The following TET1 variants were observed in gnomAD, a reference collection of about 807,000 sequenced individuals.
TET1 encodes tet methylcytosine dioxygenase 1.
In TET1, 13 loss-of-function variants were observed where a neutral mutation model predicts 148.7. The observed-to-expected ratio is 0.09, with a 90% confidence interval of 0.06 to 0.14. TET1 has a LOEUF of 0.14. Among genes scored for constraint, TET1 ranks in the 10% least tolerant of loss-of-function variants. TET1 has a pLI of 1.00. For missense variants in TET1, 2,182 were observed against 2,553.8 expected (o/e 0.85, Z 3.14); for synonymous variants, 907 against 937.2 (o/e 0.97, Z 0.59).
At chr10:68,602,935 A>C (rs570143535) in intron 3 of TET1, among the ~76,000 whole-genome samples, 1 of 152,350 alleles carries the variant, frequency 6.6e-6, no homozygotes, top group South Asian at 2.1e-4. Flanking sequence ...GCTAAAAAAA[A>C]CTTTCAGATT....
chr10:68,643,030 A>G (rs1185448770), intron 3 of TET1, among the ~76,000 whole-genome samples: 2 of 151,970 alleles, frequency 1.3e-5, no homozygotes, highest in African/African-American at 4.8e-5. Context: ...GGTCAAGGTG[A>G]GCAGACCACT....
intron 10 of TET1, among the ~76,000 whole-genome samples, chr10:68,685,831 ATATT>A (rs1214060949): frequency 6.6e-6 from 1 of 152,122 alleles, no homozygotes; most frequent in Non-Finnish European, 1.5e-5. Flanking sequence ...CAGAAAGAGA[ATATT>A]TATCAATATA....
chr10:68,565,480 AT>A (rs1393717560), intron 1 of TET1, among the ~76,000 whole-genome samples: 1 of 94,044 alleles, frequency 1.1e-5, no homozygotes, highest in Non-Finnish European at 2.4e-5. Flanking sequence ...AAAAAAATAT[AT>A]ATATATATAT....
intron 3 of TET1, among the ~76,000 whole-genome samples, chr10:68,638,069 A>G (rs1280789548): frequency 1.3e-5 from 2 of 152,116 alleles, no homozygotes; most frequent in Non-Finnish European, 2.9e-5. Context: ...GTGAGCCACC[A>G]TGACCAGCCA....
At chr10:68,577,147 C>T (rs11497982) in intron 2 of TET1, among the ~76,000 whole-genome samples, 83,686 of 151,910 alleles carry the variant, frequency 0.55, 23,147 homozygotes, top group Middle Eastern at 0.62. Flanking sequence ...CCTGACCTCA[C>T]GATCCACCCG....
chr10:68,573,626 C>T lies in TET1; in HGVS notation c.1288C>T (p.Pro430Ser). The T allele has an allele frequency of 1.2e-6, 2 of 1,614,158 alleles. No homozygotes were observed. The highest frequency in any genetic ancestry group is 1.7e-6 in the Non-Finnish European group (2 of 1,180,044). ...GAGTGGGAGTGTTGTCCCAGACTTG[C>T]CTGTCTTCCTTCCTGTTCCTCCAAA... ...GMSGSVVPDL[P>S]VFLPVPPNPI... Residue 430 changes from proline to serine, a missense_variant, in exon 2 of 12, where the codon CCT (proline) becomes TCT (serine). Physicochemically the swap from Pro to Ser is moderately conservative, Grantham distance 74. Around this residue, in one of 11 missense-constraint regions of TET1, gnomAD observed 665 missense variants for 672.4 expected, o/e 0.99. Coordinates refer to ENST00000373644, the MANE Select transcript of TET1 (RefSeq NM_030625.3).
At chr10:68,621,775 A>T (rs1379709784) in intron 3 of TET1, among the ~76,000 whole-genome samples, 1 of 152,190 alleles carries the variant, frequency 6.6e-6, no homozygotes, top group Admixed American at 6.5e-5. Flanking sequence ...TAACCTTAGG[A>T]TTAAAGAACT....
At position 68,574,238 on chromosome 10, in the gene TET1, G is replaced by T. The variant is rs1188274184; in HGVS notation, c.1900G>T (p.Val634Phe). 10 of 1,611,858 alleles carry T rather than the reference G, an allele frequency of 6.2e-6. No individual in the cohort carries two copies. The South Asian group carries it at 1.1e-4, about 18-fold the overall frequency. ...CEELKKKPSVVVPLEVIKENK... is the reference protein window; with the variant it reads ...CEELKKKPSVFVPLEVIKENK... ...GGAGCTGAAAAAGAAACCATCTGTTGTTGTGCCTCTGGAGGTAAGCAAACA... is the reference window on the plus strand; with the variant it reads ...GGAGCTGAAAAAGAAACCATCTGTTTTTGTGCCTCTGGAGGTAAGCAAACA... The change falls in exon 2 of 12, where the codon GTT becomes TTT. Residue 634 changes from valine (V) to phenylalanine (F), a missense_variant. Physicochemically the swap from Val to Phe is conservative, Grantham distance 50. This residue lies in a region of TET1 where 226 missense variants were observed against 307.4 expected (regional missense o/e 0.74). Transcript: ENST00000373644.
intron 3 of TET1, among the ~76,000 whole-genome samples, chr10:68,610,968 C>T (rs1023944903): frequency 6.6e-6 from 1 of 152,066 alleles, no homozygotes; most frequent in Non-Finnish European, 1.5e-5. Flanking sequence ...ATTATAATTA[C>T]AAGTAAAGGT....
intron 6 of TET1, among the ~76,000 whole-genome samples, chr10:68,654,395 C>T (rs919061343): frequency 2.6e-5 from 4 of 152,112 alleles, no homozygotes; most frequent in African/African-American, 9.7e-5. Flanking sequence ...TGGGGCAGAT[C>T]ACCAGAGGTC....
At chr10:68,667,608 G>A (rs2055211545) in intron 7 of TET1, among the ~76,000 whole-genome samples, 1 of 151,946 alleles carries the variant, frequency 6.6e-6, no homozygotes, top group Non-Finnish European at 1.5e-5. Flanking sequence ...GCCGGGCGTG[G>A]TGGCGGGCGC....
chr10:68,653,145 C>A (rs2054965306), intron 6 of TET1, among the ~76,000 whole-genome samples: 2 of 150,996 alleles, frequency 1.3e-5, no homozygotes, highest in South Asian at 4.2e-4. Flanking sequence ...CTTTCATTTT[C>A]TTTTGTAGTA....
intron 3 of TET1, among the ~76,000 whole-genome samples, chr10:68,629,756 T>A (rs2054541106): frequency 6.6e-6 from 1 of 152,104 alleles, no homozygotes; most frequent in South Asian, 2.1e-4. Flanking sequence ...CAGGATGGTC[T>A]CGATCTCCTG....
At chr10:68,624,646 TTCTTTCTTTCTTTCTCTCTCTCTC>T (rs2054436194) in intron 3 of TET1, among the ~76,000 whole-genome samples, 2 of 54,030 alleles carry the variant, frequency 3.7e-5, no homozygotes, top group Admixed American at 2.2e-4. Context: ...CTTTCTTTCT[TTCTTTCTTTCTTTCTCTCTCTCTC>T]TCTCTCTCTC....
chr10:68,624,726 CTTCTTTCTTTCT>C (rs1230724828), intron 3 of TET1, among the ~76,000 whole-genome samples: 1 of 116,120 alleles, frequency 8.6e-6, no homozygotes, highest in Non-Finnish European at 1.8e-5. Flanking sequence ...TCTTTCTTTC[CTTCTTTCTTTCT>C]TTCTTTTTTT....
Position 68,650,463 on chromosome 10 carries a change from T to G in TET1, c.4277-1383T>G, listed in dbSNP as rs542417684. Among the ~76,000 whole-genome samples the G allele has an allele frequency of 2.0e-5, 3 of 151,910 alleles. No homozygotes were observed. In the South Asian group the frequency reaches 6.2e-4, roughly 32 times the overall value. On this transcript the variant is annotated intron_variant, in intron 4 of 11. Coordinates refer to ENST00000373644, the MANE Select transcript of TET1 (RefSeq NM_030625.3). Reference sequence around the variant, plus strand: ...TTCGAGACCAGCCTGGCCAACATGGTGAAGCTAAAAGTACAAAATTAGCCA... The same window carrying G: ...TTCGAGACCAGCCTGGCCAACATGGGGAAGCTAAAAGTACAAAATTAGCCA...
chr10:68,667,207 A>C lies in TET1; in HGVS notation c.4624A>C (p.Lys1542Gln), dbSNP rs2055206809. 6.2e-6 allele frequency: 10 copies of C among 1,614,100 alleles called. No individual in the cohort carries two copies. Among genetic ancestry groups the C allele is most frequent in the Non-Finnish European group, 8.5e-6 (10 of 1,180,006 alleles). ...ATACACAGAGCTCACAGAGAATCTA[A>C]AGTCATACAATGGGCACCCTACCGA... is the stretch of plus-strand genomic sequence containing the variant. ...RLYTELTENL[K>Q]SYNGHPTDRR... is the part of the protein sequence containing the mutation. Residue 1542 changes from lysine to glutamine, a missense_variant, in exon 7 of 12, where the codon AAG becomes CAG. Transcript: ENST00000373644.
chr10:68,596,848 T>C (rs546366650), intron 2 of TET1, among the ~76,000 whole-genome samples: 2 of 152,224 alleles, frequency 1.3e-5, no homozygotes, highest in African/African-American at 2.4e-5. Flanking sequence ...AGGCCTTCGA[T>C]GTTTGCTTAG....
At chr10:68,582,907 C>CA (rs1308819113) in intron 2 of TET1, among the ~76,000 whole-genome samples, 1 of 152,096 alleles carries the variant, frequency 6.6e-6, no homozygotes, top group East Asian at 1.9e-4. Context: ...AACCAAAAAA[C>CA]AAACTTTTGT....
Sources: gnomAD v4.1 joint callset for allele counts (sites outside exome capture counted in the v4.1 genomes callset) on GRCh38, gnomAD v4.1.1 for gene constraint, gnomAD v4.1.1 regional missense constraint, MANE v1.5 for transcripts, NCBI Gene and HGNC (gene_info 2026-07-23, HGNC 2026-07-21) for gene names.